TLR3: variants seen among roughly 807,000 people sequenced by gnomAD.
TLR3 encodes the protein toll like receptor 3.
A neutral mutation model predicts 66.4 loss-of-function variants in TLR3; 43 were observed. The ratio of observed to expected loss-of-function variants is 0.65; its 90% CI spans 0.51 to 0.83. The LOEUF (loss-of-function observed/expected upper bound fraction) is 0.83, where lower values mean the gene tolerates loss of function less well. Among genes scored for constraint, TLR3 ranks in the 40% least tolerant of loss-of-function variants. The pLI, the probability that TLR3 is intolerant of heterozygous loss-of-function variation, is 0.00. For synonymous variants in TLR3, 397 were observed against 397.2 expected (o/e 1.00, Z 0.01); for missense variants, 982 against 1,044.6 (o/e 0.94, Z 0.83).
chr4:186,085,866 T>G lies in TLR3; in HGVS notation c.*993T>G, dbSNP rs573807377. ...TTTTTGTTTTTTTGTTTGTTTGTTT[T>G]TTATTTGTTTGTTTTTGAGACAGAG... is the stretch of plus-strand genomic sequence containing the variant. On this transcript the variant is annotated 3_prime_UTR_variant, in exon 5 of 5. Coordinates refer to ENST00000296795, the MANE Select transcript of TLR3 (RefSeq NM_003265.3). The G allele has an allele frequency of 8.0e-4, 122 of 152,330 alleles. No homozygotes were observed. The highest frequency in any genetic ancestry group is 2.7e-3 in the African/African-American group (111 of 41,570). The allele number at this position is 152,330 out of a possible 1,614,324, so 9.4% of individuals were successfully genotyped here. A position where few individuals can be genotyped will look rare whatever the true frequency, so the allele number is the denominator to read the frequency against.
chr4:186,080,214 TGGC>T (rs1164871005), intron 3 of TLR3, among the ~76,000 whole-genome samples: 1 of 152,144 alleles, frequency 6.6e-6, no homozygotes, highest in Non-Finnish European at 1.5e-5. Flanking sequence ...TAAAAATAAA[TGGC>T]GTACAAATTT....
At chr4:186,077,633 A>T (rs1183722565) in intron 2 of TLR3, among the ~76,000 whole-genome samples, 1 of 151,866 alleles carries the variant, frequency 6.6e-6, no homozygotes, top group Non-Finnish European at 1.5e-5. Context: ...TAATAATTGC[A>T]CATATTTATG....
rs759918425 is a variant in TLR3, at chr4:186,087,947, G to C, written c.*3074G>C. On this transcript the variant is annotated 3_prime_UTR_variant, in exon 5 of 5. Transcript: ENST00000296795. ...GAAAGTGCTCTATAATTGGGTTATG[G>C]TAATAATTGTACAACTATGTAAATT... 22 of 152,168 alleles carry C rather than the reference G, an allele frequency of 1.4e-4. No individual in the cohort carries two copies. The highest frequency in any genetic ancestry group is 2.2e-4 in the Non-Finnish European group (15 of 68,034). The allele number at this position is 152,168 out of a possible 1,614,324, so 9.4% of individuals were successfully genotyped here.
intron 1 of TLR3, among the ~76,000 whole-genome samples, chr4:186,072,319 TG>T (rs1283733380): frequency 6.6e-6 from 1 of 152,088 alleles, no homozygotes; most frequent in African/African-American, 2.4e-5. Flanking sequence ...TTATTTATTT[TG>T]GGGGGAGTGG....
At chr4:186,075,181 A>G (rs1233521055) in intron 1 of TLR3, among the ~76,000 whole-genome samples, 1 of 152,242 alleles carries the variant, frequency 6.6e-6, no homozygotes, top group Non-Finnish European at 1.5e-5. Context: ...TATAACTAGT[A>G]GTGCAGTAGG....
At chr4:186,076,489 C>G (rs1568358) in intron 1 of TLR3, 124 bp from the exon 2 acceptor site, 919,144 of 921,664 alleles carry the variant, frequency 1, 458,350 homozygotes, top group East Asian at 1. Context: ...TGGCATAAAA[C>G]TATGAGTAAT....
chr4:186,084,320 A>G (rs2099304033), intron 4 of TLR3, 148 bp downstream of exon 4: 1 of 849,542 alleles, frequency 1.2e-6, no homozygotes, highest in Non-Finnish European at 1.8e-6. Context: ...TCCTGGGTTC[A>G]AGTAATTCTC....
In TLR3 at chr4:186,087,976, T is replaced by C. The variant is rs1260984247; in HGVS notation, c.*3103T>C. Reference sequence around the variant, plus strand: ...TAATTGTACAACTATGTAAATTTACTGAAAGTCATTGAGTTGGACACTTAA... The same window carrying C: ...TAATTGTACAACTATGTAAATTTACCGAAAGTCATTGAGTTGGACACTTAA... On this transcript the variant is annotated 3_prime_UTR_variant, in exon 5 of 5. Coordinates refer to ENST00000296795, the MANE Select transcript of TLR3 (RefSeq NM_003265.3). 1.3e-5 allele frequency: 2 copies of C among 152,212 alleles called. No homozygotes were observed. The highest frequency in any genetic ancestry group is 2.9e-5 in the Non-Finnish European group (2 of 68,040). The allele number at this position is 152,212 out of a possible 1,614,324, so 9.4% of individuals were successfully genotyped here.
At position 186,082,511 on chromosome 4, in the gene TLR3, T is replaced by C. The variant is rs773945782; in HGVS notation, c.825T>C (p.Asn275=). Residue 275 remains asparagine, a synonymous_variant, in exon 4 of 5, where the codon AAT becomes AAC. Transcript: ENST00000296795. ...CTTTCTTGGGACTAAAGTGGACAAA[T>C]CTCACTATGCTCGATCTTTCCTACA... is the stretch of plus-strand genomic sequence containing the variant. ...NTTFLGLKWT[N]LTMLDLSYNN... 2.0e-5 allele frequency: 33 copies of C among 1,614,070 alleles called. No homozygotes were observed. In the East Asian group the frequency reaches 7.4e-4, roughly 36 times the overall value.
Position 186,076,624 on chromosome 4 carries a change from G to C in TLR3, c.5G>C (p.Arg2Thr). 6.2e-7 allele frequency: 1 copy of C among 1,614,152 alleles called. No homozygotes were observed. The highest frequency in any genetic ancestry group is 1.7e-5 in the Admixed American group (1 of 60,014). The change falls in exon 2 of 5, where the codon AGA becomes ACA. Residue 2 changes from arginine (R) to threonine (T), a missense_variant. Around this residue, in one of 3 missense-constraint regions of TLR3, gnomAD observed 313 missense variants for 319.0 expected, o/e 0.98. Transcript: ENST00000296795. Reference sequence around the variant, plus strand: ...TTTCTTTTCTACAGCAGAATCATGAGACAGACTTTGCCTTGTATCTACTTT... The same window carrying C: ...TTTCTTTTCTACAGCAGAATCATGACACAGACTTTGCCTTGTATCTACTTT... M[R>T]QTLPCIYFWG... is the part of the protein sequence containing the mutation.
At position 186,083,227 on chromosome 4, in the gene TLR3, GCAA is replaced by G. The variant is rs751110231; in HGVS notation, c.1550_1552del (p.Asn517del). 3 of 1,614,154 alleles carry G rather than the reference GCAA, an allele frequency of 1.9e-6. No homozygotes were observed. The highest frequency in any genetic ancestry group is 1.7e-6 in the Non-Finnish European group (2 of 1,180,024). ...CGTAACTTGACCATTCTGGATCTAA[GCAA>G]CAACAACATAGCCAACATAAATGAT... On this transcript the variant is annotated inframe_deletion, in exon 4 of 5. Transcript: ENST00000296795. This position sits in a 1 kb window ranked among gnomAD's most constrained non-coding sequence, Gnocchi z 4.0.
At chr4:186,073,948 G>C (rs1364264812) in intron 1 of TLR3, among the ~76,000 whole-genome samples, 1 of 152,112 alleles carries the variant, frequency 6.6e-6, no homozygotes. Context: ...TGAACAATAA[G>C]CACATGAAAA....
At chr4:186,078,202 C>T (rs924456391) in intron 2 of TLR3, among the ~76,000 whole-genome samples, 4 of 152,164 alleles carry the variant, frequency 2.6e-5, no homozygotes, top group African/African-American at 7.2e-5. Context: ...TAACTGGTAT[C>T]GCTTTCCCTT....
At position 186,083,015 on chromosome 4, in the gene TLR3, T is replaced by C; in HGVS notation, c.1329T>C (p.Ile443=). ...LEVLDLGLNE[I]GQELTGQEWR... ...TACTTGACCTGGGCCTTAATGAAATTGGGCAAGAACTCACAGGCCAGGAAT... is the reference window on the plus strand; with the variant it reads ...TACTTGACCTGGGCCTTAATGAAATCGGGCAAGAACTCACAGGCCAGGAAT... The change falls in exon 4 of 5, where the codon ATT becomes ATC. Residue 443 remains isoleucine, a synonymous_variant. Coordinates refer to ENST00000296795, the MANE Select transcript of TLR3 (RefSeq NM_003265.3). This position sits in a 1 kb window ranked among gnomAD's most constrained non-coding sequence, Gnocchi z 4.0. The C allele has an allele frequency of 6.2e-7, 1 of 1,614,182 alleles. No homozygotes were observed.
chr4:186,079,400 G>A (rs1407959998), intron 3 of TLR3, among the ~76,000 whole-genome samples: 1 of 152,136 alleles, frequency 6.6e-6, no homozygotes, highest in Admixed American at 6.5e-5. Flanking sequence ...GTTCACAGTC[G>A]GGTTAGCTGG....
chr4:186,078,898 A>G lies in TLR3; in HGVS notation c.500A>G (p.Gln167Arg). 6.2e-7 allele frequency: 1 copy of G among 1,614,128 alleles called. No homozygotes were observed. The highest frequency in any genetic ancestry group is 2.2e-5 in the East Asian group (1 of 44,854). Residue 167 changes from glutamine to arginine, a missense_variant, in exon 3 of 5, where the codon CAG becomes CGG. Transcript: ENST00000296795. ...TTGTCATCTACAAAATTAGGAACTC[A>G]GGTTCAGCTGGAAAATCTCCAAGAG... ...NGLSSTKLGT[Q>R]VQLENLQELL...
At chr4:186,078,050 TAGAGTCTAATGTGG>T (rs1279219096) in intron 2 of TLR3, among the ~76,000 whole-genome samples, 12 of 152,198 alleles carry the variant, frequency 7.9e-5, no homozygotes, top group African/African-American at 2.9e-4. Flanking sequence ...TGGGTCTTCT[TAGAGTCTAATGTGG>T]ATGAAATATC....
Position 186,088,058 on chromosome 4 carries a change from A to G in TLR3, c.*3185A>G, listed in dbSNP as rs1379073189. ...TATTCACAAAGCCATTAAAAATTGT[A>G]TTTTTTGAGCAGCTACAGGTGCCTA... is the stretch of plus-strand genomic sequence containing the variant. On this transcript the variant is annotated 3_prime_UTR_variant, in exon 5 of 5. Transcript: ENST00000296795. The G allele has an allele frequency of 2.0e-5, 3 of 152,172 alleles. No homozygotes were observed. 9.4% of individuals were successfully genotyped at this position (152,172 alleles called of 1,614,324 possible). A position where few individuals can be genotyped will look rare whatever the true frequency, so the allele number is the denominator to read the frequency against.
At position 186,076,779 on chromosome 4, in the gene TLR3, A is replaced by G. The variant is rs2150066317; in HGVS notation, c.160A>G (p.Thr54Ala). The G allele has an allele frequency of 6.2e-7, 1 of 1,614,184 alleles. No homozygotes were observed. Among genetic ancestry groups the G allele is most frequent in the East Asian group, 2.2e-5 (1 of 44,872 alleles). ...ACCCGATGATCTACCCACAAACATA[A>G]CAGTGTTGAACCTTACCCATAATCA... ...QVPDDLPTNI[T>A]VLNLTHNQLR... is the part of the protein sequence containing the mutation. The change falls in exon 2 of 5, where the codon ACA (threonine) becomes GCA (alanine). Residue 54 changes from threonine to alanine, a missense_variant. Around this residue, in one of 3 missense-constraint regions of TLR3, gnomAD observed 313 missense variants for 319.0 expected, o/e 0.98. Coordinates refer to ENST00000296795, the MANE Select transcript of TLR3 (RefSeq NM_003265.3).
Sources: allele counts gnomAD v4.1 joint callset (sites outside exome capture counted in the v4.1 genomes callset), GRCh38; gene constraint gnomAD v4.1.1; regional missense constraint gnomAD v4.1.1; non-coding constraint Gnocchi (gnomAD v3.1); transcripts MANE v1.5; gene names NCBI Gene and HGNC (gene_info 2026-07-23, HGNC 2026-07-21).